The following SYNE1 variants were observed in gnomAD, a reference collection of about 807,000 sequenced individuals.
SYNE1 encodes nesprin-1.
SYNE1 carries 616 observed loss-of-function variants against 1,111.0 expected under a neutral mutation model. The ratio of observed to expected loss-of-function variants is 0.55; its 90% confidence interval spans 0.52 to 0.59. SYNE1 has a LOEUF of 0.59. Ranked by LOEUF, SYNE1 falls within the 20% of genes least tolerant of loss-of-function variation. The pLI is 0.00. For synonymous variants in SYNE1, 3,855 were observed against 3,825.8 expected (o/e 1.01, Z -0.28); for missense variants, 10,006 against 10,417.0 (o/e 0.96, Z 1.72).
At position 152,564,608 on chromosome 6, in the gene SYNE1, T is replaced by C. The variant is rs1313884502; in HGVS notation, c.68-24587A>G. 3.9e-5 allele frequency among the ~76,000 whole-genome samples: 6 copies of C among 152,288 alleles called. No individual in the cohort carries two copies. In the East Asian group the frequency reaches 1.2e-3, roughly 29 times the overall value. ...CTAGGATTACAGGCGTGAGCCACCGTGCCTGGACAGGAACGTTTATTATAA... is the reference window on the plus strand; with the variant it reads ...CTAGGATTACAGGCGTGAGCCACCGCGCCTGGACAGGAACGTTTATTATAA... On this transcript the variant is annotated intron_variant, in intron 3 of 145. Transcript: ENST00000367255.
At chr6:152,340,524 T>C (rs953633638) in intron 74 of SYNE1, among the ~76,000 whole-genome samples, 3 of 152,178 alleles carry the variant, frequency 2.0e-5, no homozygotes, top group Admixed American at 6.5e-5. Context: ...CACTCCCAGT[T>C]GTAACAACCA....
intron 3 of SYNE1, among the ~76,000 whole-genome samples, chr6:152,605,032 G>A (rs1313824982): frequency 1.8e-4 from 11 of 61,568 alleles, no homozygotes; most frequent in African/African-American, 7.8e-4. Flanking sequence ...GAGAGAGAGA[G>A]AGAGGGAGGG....
rs761211695 is a variant in SYNE1 at position 152,233,885 on chromosome 6, T to G, written c.20608A>C (p.Lys6870Gln). 4 of 1,614,194 alleles carry G rather than the reference T, an allele frequency of 2.5e-6. No individual in the cohort carries two copies. Among genetic ancestry groups the G allele is most frequent in the Non-Finnish European group, 3.4e-6 (4 of 1,180,038 alleles). ...LSTGNQLLRL[K>Q]KVDTATLRSE... Reference sequence around the variant, plus strand: ...CGCAGCGTGGCTGTGTCCACCTTTTTTAGTCGAAGGAGCTGATTTCCAGTA... The same window carrying G: ...CGCAGCGTGGCTGTGTCCACCTTTTGTAGTCGAAGGAGCTGATTTCCAGTA... Residue 6870 changes from lysine to glutamine, a missense_variant, in exon 112 of 146, where the codon AAA (lysine) becomes CAA (glutamine). Physicochemically the swap from Lys to Gln is moderately conservative, Grantham distance 53. This residue lies in a region of SYNE1 where 2,182 missense variants were observed against 2,287.8 expected (regional missense o/e 0.95). Transcript: ENST00000367255.
At position 152,444,460 on chromosome 6, in the gene SYNE1, A is replaced by G; in HGVS notation, c.3788T>C (p.Leu1263Ser). ...KEVQEQAEKI[L>S]DTENLFEAQQ... ...TGCTTCAAACAGATTTTCAGTATCC[A>G]AGATCTTCTCAGCTTGTTCCTGGAC... The change falls in exon 30 of 146, where the codon TTG becomes TCG. Residue 1263 changes from leucine (L) to serine (S), a missense_variant. Physicochemically the swap from Leu to Ser is moderately radical, Grantham distance 145. Transcript: ENST00000367255. The G allele has an allele frequency of 1.9e-6, 3 of 1,614,064 alleles. No homozygotes were observed. Among genetic ancestry groups the G allele is most frequent in the South Asian group, 1.1e-5 (1 of 91,088 alleles).
At chr6:152,208,259 T>C (rs2076886755) in intron 124 of SYNE1, 53 bp from the exon 125 acceptor site, 2 of 1,525,780 alleles carry the variant, frequency 1.3e-6, no homozygotes, top group South Asian at 2.3e-5. Flanking sequence ...TGGATGCAGT[T>C]ACGCAATCAG....
chr6:152,310,716 C>T lies in SYNE1; in HGVS notation c.16868G>A (p.Arg5623His), dbSNP rs753544584. 51 of 1,613,218 alleles carry T rather than the reference C, an allele frequency of 3.2e-5. No individual in the cohort carries two copies. The highest frequency in any genetic ancestry group is 1.6e-4 in the Middle Eastern group (1 of 6,084). ...AGCTGCATCTTGGAGGTTCTGCAAA[C>T]GAATTTTGATCATCTGTCGCAACTC... The part of the protein sequence containing the change: ...TEELRQMIKI[R>H]LQNLQDAAKD... The change falls in exon 88 of 146, where the codon CGT becomes CAT. Residue 5623 changes from arginine (R) to histidine (H), a missense_variant. Physicochemically the swap from Arg to His is conservative, Grantham distance 29. Around this residue, in one of 7 missense-constraint regions of SYNE1, gnomAD observed 4,955 missense variants for 5,017.2 expected, o/e 0.99. Transcript: ENST00000367255.
chr6:152,476,430 T>C (rs1256844614), intron 14 of SYNE1, among the ~76,000 whole-genome samples: 1 of 152,182 alleles, frequency 6.6e-6, no homozygotes, highest in Non-Finnish European at 1.5e-5. Flanking sequence ...TCAGAATCTG[T>C]CCATTTCTCA....
intron 5 of SYNE1, among the ~76,000 whole-genome samples, chr6:152,522,642 T>C (rs2099145473): frequency 6.6e-6 from 1 of 152,122 alleles, no homozygotes; most frequent in South Asian, 2.1e-4. Context: ...CGTTTTTCCA[T>C]AAAGGTTGTA....
At chr6:152,461,304 ATC>A (rs2098732813) in intron 21 of SYNE1, among the ~76,000 whole-genome samples, 1 of 151,880 alleles carries the variant, frequency 6.6e-6, no homozygotes, top group African/African-American at 2.4e-5. Flanking sequence ...TTTTCTCTTT[ATC>A]TCTCTTTCCC....
intron 3 of SYNE1, among the ~76,000 whole-genome samples, chr6:152,549,082 A>C (rs1193677389): frequency 6.6e-6 from 1 of 152,218 alleles, no homozygotes. Context: ...TTGGATCTTC[A>C]AGCTCAGTCA....
At chr6:152,269,907 T>C (rs963818955) in intron 98 of SYNE1, among the ~76,000 whole-genome samples, 1 of 152,052 alleles carries the variant, frequency 6.6e-6, no homozygotes, top group Non-Finnish European at 1.5e-5. Flanking sequence ...TGGGAGAAAA[T>C]GTACTGCAGC....
intron 74 of SYNE1, among the ~76,000 whole-genome samples, chr6:152,340,653 T>C (rs1286155979): frequency 3.3e-5 from 5 of 152,190 alleles, no homozygotes; most frequent in Non-Finnish European, 5.9e-5. Flanking sequence ...CTCTGTCTTA[T>C]CAAGAAGGTT....
At chr6:152,135,411 C>T (rs1464708785) in intron 141 of SYNE1, among the ~76,000 whole-genome samples, 179 bp from the exon 142 acceptor site, 1 of 152,158 alleles carries the variant, frequency 6.6e-6, no homozygotes, top group African/African-American at 2.4e-5. Flanking sequence ...CACGTTCTTA[C>T]CAAAAGCATC....
chr6:152,470,444 T>A (rs1260113970), intron 16 of SYNE1, among the ~76,000 whole-genome samples: 2 of 152,188 alleles, frequency 1.3e-5, no homozygotes, highest in Non-Finnish European at 2.9e-5. Flanking sequence ...AAGCTTAAAA[T>A]CAAGTTTTTC....
chr6:152,434,785 T>C (rs539501004), intron 33 of SYNE1: 2 of 150,926 alleles, frequency 1.3e-5, no homozygotes, highest in East Asian at 3.9e-4. Context: ...AGTGAAAGAA[T>C]GTCCCTGTTT....
chr6:152,239,137 G>A (rs566822400), intron 108 of SYNE1, among the ~76,000 whole-genome samples: 39 of 151,942 alleles, frequency 2.6e-4, no homozygotes, highest in Non-Finnish European at 5.1e-4. Flanking sequence ...GGCTGGTCTC[G>A]AACTCCTGAC....
chr6:152,538,018 T>C (rs1267118629), intron 4 of SYNE1, among the ~76,000 whole-genome samples: 2 of 152,136 alleles, frequency 1.3e-5, no homozygotes, highest in Admixed American at 6.6e-5. Context: ...CAAGGAAACA[T>C]CAAACATGAA....
At chr6:152,240,765 C>T (rs1023705270) in intron 107 of SYNE1, among the ~76,000 whole-genome samples, 17 of 152,212 alleles carry the variant, frequency 1.1e-4, no homozygotes, top group African/African-American at 4.1e-4. Context: ...TGAGTCCCCC[C>T]AGTCTATGTA....
At chr6:152,466,774 C>T (rs973437109) in intron 16 of SYNE1, among the ~76,000 whole-genome samples, 9 of 151,914 alleles carry the variant, frequency 5.9e-5, no homozygotes, top group Non-Finnish European at 1.3e-4. Context: ...AAATAATGTG[C>T]GTTTCAAAGA....
Sources: gnomAD v4.1 joint callset for allele counts (sites outside exome capture counted in the v4.1 genomes callset) on GRCh38, gnomAD v4.1.1 for gene constraint, gnomAD v4.1.1 regional missense constraint, MANE v1.5 for transcripts, NCBI Gene and HGNC (gene_info 2026-07-23, HGNC 2026-07-21) for gene names.